OSBPL3: variants seen among roughly 807,000 people sequenced by gnomAD.
OSBPL3 encodes oxysterol-binding protein-related protein 3.
A neutral mutation model predicts 120.1 loss-of-function variants in OSBPL3; 65 were observed. The observed-to-expected ratio is 0.54, with a 90% CI of 0.44 to 0.67. The LOEUF (loss-of-function observed/expected upper bound fraction) is 0.67. OSBPL3 is among the 30% of genes least tolerant of loss of function. The pLI, the probability that OSBPL3 is intolerant of heterozygous loss-of-function variation, is 0.00. For synonymous variants in OSBPL3, 416 were observed against 402.6 expected, an observed-to-expected ratio of 1.03 and a Z score of -0.40; for missense variants, 1,004 against 1,082.1, an observed-to-expected ratio of 0.93 and a Z score of 1.01.
chr7:24,945,752 G>A (rs1813650597), intron 1 of OSBPL3, among the ~76,000 whole-genome samples: 1 of 152,230 alleles, frequency 6.6e-6, no homozygotes, highest in African/African-American at 2.4e-5. Context: ...TAAGAGGTAA[G>A]ATGCTGATTG....
At chr7:24,800,768 C>T (rs1370135202) in intron 22 of OSBPL3, among the ~76,000 whole-genome samples, 2 of 151,824 alleles carry the variant, frequency 1.3e-5, no homozygotes, top group African/African-American at 4.8e-5. Context: ...TTTTGTTACA[C>T]GACTTTAACT....
chr7:24,839,478 A>G (rs1450911588), intron 14 of OSBPL3, among the ~76,000 whole-genome samples: 3 of 152,178 alleles, frequency 2.0e-5, no homozygotes, highest in Non-Finnish European at 4.4e-5. Context: ...ACCAGTAATA[A>G]AGGGTCATCT....
chr7:24,916,918 A>ACGC lies in OSBPL3; in HGVS notation c.-149-24298_-149-24297insGCG. Among the ~76,000 whole-genome samples the ACGC allele has an allele frequency of 6.9e-6, 1 of 145,712 alleles. No individual in the cohort carries two copies. Among genetic ancestry groups the ACGC allele is most frequent in the Middle Eastern group, 3.6e-3 (1 of 280 alleles). ...AGCCACTAAGACGTCTTCCATTTCC[A>ACGC]CCCCCCCCAACCTTTTTAGAAAATT... On this transcript the variant is annotated intron_variant, in intron 1 of 22. Coordinates refer to ENST00000313367, the MANE Select transcript of OSBPL3 (RefSeq NM_015550.4). The surrounding 1 kb of genome is among the most constrained non-coding windows in gnomAD (Gnocchi z 4.9).
rs1327248543 is a variant in OSBPL3, at chr7:24,849,188, T to C, written c.1159-12A>G. 2.5e-6 allele frequency: 4 copies of C among 1,592,904 alleles called. No homozygotes were observed. Among genetic ancestry groups the C allele is most frequent in the Non-Finnish European group, 3.4e-6 (4 of 1,161,368 alleles). On this transcript the variant is annotated splice_polypyrimidine_tract_variant and intron_variant, in intron 11 of 22. Coordinates refer to ENST00000313367, the MANE Select transcript of OSBPL3 (RefSeq NM_015550.4). The surrounding 1 kb of genome is among the most constrained non-coding windows in gnomAD (Gnocchi z 5.4). ...TTTTGTGCTAGGGCCTGGAACATGT[T>C]AAAATAGTGGGGCTCTGTTAATAAA... is the stretch of plus-strand genomic sequence containing the variant.
At chr7:24,927,553 T>C (rs1811215628) in intron 1 of OSBPL3, among the ~76,000 whole-genome samples, 1 of 152,224 alleles carries the variant, frequency 6.6e-6, no homozygotes, top group South Asian at 2.1e-4. Context: ...CCATGATTAC[T>C]GCTTAAGTTG....
At position 24,870,719 on chromosome 7, in the gene OSBPL3, G is replaced by A. The variant is rs1801986059; in HGVS notation, c.381+13C>T. 1 of 1,495,778 alleles carries A rather than the reference G, an allele frequency of 6.7e-7. No homozygotes were observed. The highest frequency in any genetic ancestry group is 1.7e-5 in the Admixed American group (1 of 59,858). 92.7% of individuals were successfully genotyped at this position (1,495,778 alleles called of 1,614,324 possible). On this transcript the variant is annotated intron_variant, in intron 5 of 22. Coordinates refer to ENST00000313367, the MANE Select transcript of OSBPL3 (RefSeq NM_015550.4). ...AACATAAGTGAACTCTGCACAGTGG[G>A]AAGCAGCCTCACCTTCAGATGGTAG...
rs1814513150 is a variant in OSBPL3 at position 24,952,114 on chromosome 7, A to C, written c.-150+27772T>G. Among the ~76,000 whole-genome samples the C allele has an allele frequency of 6.6e-6, 1 of 152,218 alleles. No individual in the cohort carries two copies. The highest frequency in any genetic ancestry group is 2.4e-5 in the African/African-American group (1 of 41,456). On this transcript the variant is annotated intron_variant, in intron 1 of 22. Transcript: ENST00000313367. This position sits in a 1 kb window ranked among gnomAD's most constrained non-coding sequence, Gnocchi z 4.4. ...CGGCCATTCTTTCAAGCTTCAAAAA[A>C]GGAGCTCAGACTTTGAGTAAAGTCT...
Position 24,808,879 on chromosome 7 carries a change from G to C in OSBPL3, c.2317+928C>G, listed in dbSNP as rs974761919. Among the ~76,000 whole-genome samples the C allele has an allele frequency of 6.6e-6, 1 of 152,218 alleles. No individual in the cohort carries two copies. The highest frequency in any genetic ancestry group is 6.5e-5 in the Admixed American group (1 of 15,282). On this transcript the variant is annotated intron_variant, in intron 20 of 22. Coordinates refer to ENST00000313367, the MANE Select transcript of OSBPL3 (RefSeq NM_015550.4). The surrounding 1 kb of genome is among the most constrained non-coding windows in gnomAD (Gnocchi z 4.6). ...TGTTCCTGAGAAAAGAGAGGCACGA[G>C]AGAGGAAAGCTCTTTTGTCCTCTCA...
chr7:24,884,615 A>T (rs1369424456), intron 2 of OSBPL3, among the ~76,000 whole-genome samples: 1 of 151,900 alleles, frequency 6.6e-6, no homozygotes, highest in African/African-American at 2.4e-5. Flanking sequence ...GGCTCCCGGG[A>T]CTCCTCTGCT....
intron 1 of OSBPL3, chr7:24,906,670 G>A (rs1186049422): frequency 6.6e-6 from 1 of 152,502 alleles, no homozygotes; most frequent in Non-Finnish European, 1.5e-5. Context: ...GGACATTTAG[G>A]TTGTTTCCAC....
intron 22 of OSBPL3, among the ~76,000 whole-genome samples, chr7:24,801,237 C>A (rs1292597212): frequency 3.5e-5 from 4 of 113,010 alleles, no homozygotes; most frequent in African/African-American, 1.5e-4. Flanking sequence ...GAGCAAGACT[C>A]CTTCTCAAAA....
Position 24,828,741 on chromosome 7 carries a change from C to G in OSBPL3, c.1884+2027G>C, listed in dbSNP as rs146731598. ...GCCTTACTACAACCTATTAGTCAAACATTATCATTCCTAATTTACAGATTT... is the reference window on the plus strand; with the variant it reads ...GCCTTACTACAACCTATTAGTCAAAGATTATCATTCCTAATTTACAGATTT... On this transcript the variant is annotated intron_variant, in intron 16 of 22. Transcript: ENST00000313367. Among the ~76,000 whole-genome samples, 8 of 149,294 alleles carry G rather than the reference C, an allele frequency of 5.4e-5. No individual in the cohort carries two copies. The East Asian group carries it at 1.6e-3, about 29-fold the overall frequency.
rs1319255498 is a variant in OSBPL3, at chr7:24,964,334, G to A, written c.-150+15552C>T. The stretch of plus-strand genomic sequence containing the variant: ...AGCCTGACAAACACTACCTCAACCA[G>A]ATGAGCAAGGTCAACATAACCAAAA... On this transcript the variant is annotated intron_variant, in intron 1 of 22. Transcript: ENST00000313367. The surrounding 1 kb of genome is among the most constrained non-coding windows in gnomAD (Gnocchi z 4.2). 6.6e-6 allele frequency among the ~76,000 whole-genome samples: 1 copy of A among 152,178 alleles called. No individual in the cohort carries two copies. The highest frequency in any genetic ancestry group is 1.5e-5 in the Non-Finnish European group (1 of 68,030).
chr7:24,944,636 A>T (rs568025784), intron 1 of OSBPL3, among the ~76,000 whole-genome samples: 1 of 152,028 alleles, frequency 6.6e-6, no homozygotes, highest in Admixed American at 6.5e-5. Flanking sequence ...AAAAAAAAAA[A>T]ATGCCATGGT....
rs757348924 is a variant in OSBPL3 at position 24,873,923 on chromosome 7, T to A, written c.97-1854A>T. 6.6e-6 allele frequency among the ~76,000 whole-genome samples: 1 copy of A among 152,214 alleles called. No individual in the cohort carries two copies. Among genetic ancestry groups the A allele is most frequent in the African/African-American group, 2.4e-5 (1 of 41,452 alleles). On this transcript the variant is annotated intron_variant, in intron 2 of 22. Coordinates refer to ENST00000313367, the MANE Select transcript of OSBPL3 (RefSeq NM_015550.4). The surrounding 1 kb of genome is among the most constrained non-coding windows in gnomAD (Gnocchi z 4.1). The stretch of plus-strand genomic sequence containing the variant: ...CCTTAGAGACTCCATAGGTACTCCA[T>A]CTTACTTTTCTGGAGGTTCACCACT...
intron 1 of OSBPL3, among the ~76,000 whole-genome samples, chr7:24,944,076 T>TAAAAAAAAAAAAAAAAAAAAAATAAAA (rs1813413361): frequency 8.4e-6 from 1 of 118,696 alleles, no homozygotes. Flanking sequence ...CAGTCTAAAG[T>TAAAAAAAAAAAAAAAAAAAAAATAAAA]AAAAAAAAAA....
At position 24,849,501 on chromosome 7, in the gene OSBPL3, C is replaced by T. The variant is rs752690337; in HGVS notation, c.1159-325G>A. On this transcript the variant is annotated intron_variant, in intron 11 of 22. Coordinates refer to ENST00000313367, the MANE Select transcript of OSBPL3 (RefSeq NM_015550.4). The surrounding 1 kb of genome is among the most constrained non-coding windows in gnomAD (Gnocchi z 5.4). ...GTTAAGACCAGTGGTTCCACAGCATCTCCTCCTCCTCCCCAACTGTCTGGA... is the reference window on the plus strand; with the variant it reads ...GTTAAGACCAGTGGTTCCACAGCATTTCCTCCTCCTCCCCAACTGTCTGGA... Among the ~76,000 whole-genome samples the T allele has an allele frequency of 6.6e-6, 1 of 152,174 alleles. No homozygotes were observed.
At chr7:24,847,484 T>G (rs138244362) in intron 12 of OSBPL3, among the ~76,000 whole-genome samples, 198 of 152,316 alleles carry the variant, frequency 1.3e-3, no homozygotes, top group African/African-American at 4.3e-3. Context: ...GTGTATAGCA[T>G]TTCAGCTTTC....
At position 24,947,851 on chromosome 7, in the gene OSBPL3, TG is replaced by T. The variant is rs1250206704; in HGVS notation, c.-150+32034del. ...ATGTGCCAGATTCTGTGATCGGTGTTGGTAATTTGACACTGTACAGGGGAAC... is the reference window on the plus strand; with the variant it reads ...ATGTGCCAGATTCTGTGATCGGTGTTGTAATTTGACACTGTACAGGGGAAC... On this transcript the variant is annotated intron_variant, in intron 1 of 22. Coordinates refer to ENST00000313367, the MANE Select transcript of OSBPL3 (RefSeq NM_015550.4). The surrounding 1 kb of genome is among the most constrained non-coding windows in gnomAD (Gnocchi z 4.4). Among the ~76,000 whole-genome samples the T allele has an allele frequency of 6.6e-6, 1 of 151,918 alleles. No individual in the cohort carries two copies. Among genetic ancestry groups the T allele is most frequent in the East Asian group, 1.9e-4 (1 of 5,198 alleles).
Sources: gnomAD v4.1 joint callset for allele counts (sites outside exome capture counted in the v4.1 genomes callset) on GRCh38, gnomAD v4.1.1 for gene constraint, Gnocchi (gnomAD v3.1) non-coding constraint, MANE v1.5 for transcripts, NCBI Gene and HGNC (gene_info 2026-07-23, HGNC 2026-07-21) for gene names.